RBMS1: variants seen among roughly 807,000 people sequenced by gnomAD.
RBMS1 encodes the protein RNA binding motif single stranded interacting protein 1, also known as RNA-binding motif, single-stranded-interacting protein 1.
RBMS1 carries 17 observed loss-of-function variants against 62.3 expected under a neutral mutation model. The observed-to-expected ratio is 0.27, with a 90% CI of 0.19 to 0.41. The LOEUF (loss-of-function observed/expected upper bound fraction) is 0.41, where lower values mean the gene tolerates loss of function less well. Among genes scored for constraint, RBMS1 ranks in the 10% least tolerant of loss-of-function variants. The probability of loss-of-function intolerance (pLI) is 1.00; values close to 1 mark genes in which losing one functional copy is unlikely to be tolerated. For missense variants in RBMS1, 334 were observed against 504.5 expected (o/e 0.66, Z 3.24); for synonymous variants, 172 against 170.0 (o/e 1.01, Z -0.09).
chr2:160,334,618 T>G (rs1414306212), intron 2 of RBMS1, among the ~76,000 whole-genome samples: 1 of 152,096 alleles, frequency 6.6e-6, no homozygotes, highest in Non-Finnish European at 1.5e-5. Context: ...AGTGACTATG[T>G]GTGTTAAGGA....
At chr2:160,407,931 G>T in intron 1 of RBMS1, 5 of 979,966 alleles carry the variant, frequency 5.1e-6, no homozygotes, top group Non-Finnish European at 6.0e-6. Flanking sequence ...GGGCGGGGAG[G>T]CGGCAGCGCA....
chr2:160,351,705 G>C (rs1692521165), intron 2 of RBMS1, among the ~76,000 whole-genome samples: 1 of 152,078 alleles, frequency 6.6e-6, no homozygotes, highest in Non-Finnish European at 1.5e-5. Context: ...TCTTTGCAGG[G>C]CCATTAAGAG....
In RBMS1 at chr2:160,436,919, T is replaced by G. The variant is rs114043687; in HGVS notation, c.75+56370A>C. On this transcript the variant is annotated intron_variant, in intron 1 of 13. Transcript: ENST00000348849. ...CCATTTTCACATTGTTTGAAGACAA[T>G]GTGTTTAGCAAAAGAATCTGTAGCT... is the stretch of plus-strand genomic sequence containing the variant. Among the ~76,000 whole-genome samples, 750 of 152,226 alleles carry G rather than the reference T, an allele frequency of 4.9e-3. 3 individuals are homozygous for G. Among genetic ancestry groups the G allele is most frequent in the African/African-American group, 0.017 (701 of 41,536 alleles).
chr2:160,473,824 G>A (rs1239044710), intron 1 of RBMS1, among the ~76,000 whole-genome samples: 2 of 152,056 alleles, frequency 1.3e-5, no homozygotes, highest in African/African-American at 4.8e-5. Context: ...TATTACTTGA[G>A]TCTTTTCTTC....
chr2:160,390,528 G>A (rs1229884078), intron 1 of RBMS1, among the ~76,000 whole-genome samples: 1 of 151,928 alleles, frequency 6.6e-6, no homozygotes, highest in Non-Finnish European at 1.5e-5. Flanking sequence ...TTGTCACTAT[G>A]AAAAAAATTT....
At chr2:160,359,025 GT>G (rs1175238841) in intron 2 of RBMS1, among the ~76,000 whole-genome samples, 1 of 152,072 alleles carries the variant, frequency 6.6e-6, no homozygotes, top group Admixed American at 6.6e-5. Context: ...TATCTGAGAT[GT>G]AGTAGCTACC....
chr2:160,440,076 G>GGAGAGGA, intron 1 of RBMS1, among the ~76,000 whole-genome samples: 1 of 112,252 alleles, frequency 8.9e-6, no homozygotes, highest in Non-Finnish European at 1.9e-5. Context: ...CGTGGAGAGG[G>GGAGAGGA]GAGAGGGGAG....
At chr2:160,377,734 C>T (rs1694076264) in intron 1 of RBMS1, among the ~76,000 whole-genome samples, 1 of 152,110 alleles carries the variant, frequency 6.6e-6, no homozygotes, top group South Asian at 2.1e-4. Context: ...GAGGTGGGGA[C>T]ATACTTGAAT....
At chr2:160,436,975 T>C (rs1387482608) in intron 1 of RBMS1, among the ~76,000 whole-genome samples, 1 of 152,032 alleles carries the variant, frequency 6.6e-6, no homozygotes, top group Non-Finnish European at 1.5e-5. Context: ...TGAAGGGCAA[T>C]GAAGAAAAAT....
intron 1 of RBMS1, among the ~76,000 whole-genome samples, chr2:160,461,283 GAA>G (rs1684454571): frequency 6.6e-6 from 1 of 151,974 alleles, no homozygotes; most frequent in Non-Finnish European, 1.5e-5. Context: ...GGGAGAGAAA[GAA>G]AGAGAGAAAG....
rs371634389 is a variant in RBMS1 at position 160,471,716 on chromosome 2, T to TATATATAAAA, written c.75+21572_75+21573insTTTTATATAT. Among the ~76,000 whole-genome samples, 3 of 76,234 alleles carry TATATATAAAA rather than the reference T, an allele frequency of 3.9e-5. 1 individual carries two copies. 50.0% of individuals were successfully genotyped at this position (76,234 alleles called of 152,430 possible). On this transcript the variant is annotated intron_variant, in intron 1 of 13. Coordinates refer to ENST00000348849, the MANE Select transcript of RBMS1 (RefSeq NM_016836.4). ...GTATATATATATATATATATATATA[T>TATATATAAAA]AACCTTTCATACATTCTGATTATAA...
chr2:160,292,230 T>C (rs1432995769), intron 6 of RBMS1, among the ~76,000 whole-genome samples: 1 of 152,226 alleles, frequency 6.6e-6, no homozygotes, highest in Non-Finnish European at 1.5e-5. Flanking sequence ...ATTTACTAGC[T>C]AGTGACTCCG....
intron 1 of RBMS1, among the ~76,000 whole-genome samples, chr2:160,410,022 A>T (rs1695959234): frequency 6.6e-6 from 1 of 152,060 alleles, no homozygotes; most frequent in South Asian, 2.1e-4. Flanking sequence ...AGGTCTCGAG[A>T]CCATCCAGGC....
At chr2:160,278,345 G>T in intron 11 of RBMS1, 1 of 598,758 alleles carries the variant, frequency 1.7e-6, no homozygotes, top group South Asian at 1.9e-5. Context: ...GTAAAGGAGA[G>T]ATACCCAGAG....
At chr2:160,306,040 G>T (rs919434388) in intron 4 of RBMS1, among the ~76,000 whole-genome samples, 6 of 152,074 alleles carry the variant, frequency 3.9e-5, no homozygotes, top group Non-Finnish European at 5.9e-5. Flanking sequence ...GAGGCAGGAG[G>T]ACTGCTTAAG....
intron 1 of RBMS1, among the ~76,000 whole-genome samples, chr2:160,421,135 T>C (rs1251858642): frequency 6.6e-6 from 1 of 151,870 alleles, no homozygotes; most frequent in Non-Finnish European, 1.5e-5. Context: ...CTCTAACTTA[T>C]TCTTTTTTCT....
chr2:160,372,565 A>G (rs1693782567), intron 1 of RBMS1, among the ~76,000 whole-genome samples: 1 of 152,270 alleles, frequency 6.6e-6, no homozygotes, highest in Non-Finnish European at 1.5e-5. Flanking sequence ...ACTTATTTCC[A>G]TACACCAGTT....
chr2:160,354,668 A>G (rs1046161207), intron 2 of RBMS1, among the ~76,000 whole-genome samples: 1 of 152,158 alleles, frequency 6.6e-6, no homozygotes, highest in Non-Finnish European at 1.5e-5. Context: ...AAAGCTGTAC[A>G]TGCAAATGCT....
At chr2:160,485,814 G>T (rs919582694) in intron 1 of RBMS1, among the ~76,000 whole-genome samples, 2 of 152,014 alleles carry the variant, frequency 1.3e-5, no homozygotes, top group African/African-American at 2.4e-5. Context: ...TTAAAAGAAT[G>T]TCATTTTAGA....
Sources: gnomAD v4.1 joint callset for allele counts (sites outside exome capture counted in the v4.1 genomes callset) on GRCh38, gnomAD v4.1.1 for gene constraint, MANE v1.5 for transcripts, NCBI Gene and HGNC (gene_info 2026-07-23, HGNC 2026-07-21) for gene names.